The following KCNMA1 variants were observed in gnomAD, a reference collection of about 807,000 sequenced individuals.
KCNMA1 encodes Calcium-activated potassium channel subunit alpha-1.
KCNMA1 carries 29 observed loss-of-function variants against 140.0 expected under a neutral mutation model. The observed-to-expected ratio is 0.21, with a 90% confidence interval of 0.15 to 0.28. KCNMA1 has a LOEUF of 0.28. KCNMA1 is among the 10% of genes least tolerant of loss of function. The probability of loss-of-function intolerance (pLI) is 1.00; values close to 1 mark genes in which losing one functional copy is unlikely to be tolerated. For missense variants in KCNMA1, 880 were observed against 1,602.2 expected (o/e 0.55, Z 7.70); for synonymous variants, 612 against 611.9 (o/e 1.00, Z 0.00).
chr10:77,200,762 T>C (rs1377950240), intron 3 of KCNMA1, among the ~76,000 whole-genome samples: 1 of 152,216 alleles, frequency 6.6e-6, no homozygotes, highest in Non-Finnish European at 1.5e-5. Context: ...TAGGGGTACC[T>C]GGACATAGTA....
intron 5 of KCNMA1, among the ~76,000 whole-genome samples, chr10:77,129,628 T>C (rs1014943716): frequency 6.6e-6 from 1 of 152,140 alleles, no homozygotes; most frequent in African/African-American, 2.4e-5. Context: ...AAAAGTAGTC[T>C]TGACAATAGG....
At chr10:77,600,995 T>A (rs2082459031) in intron 1 of KCNMA1, among the ~76,000 whole-genome samples, 1 of 152,188 alleles carries the variant, frequency 6.6e-6, no homozygotes, top group African/African-American at 2.4e-5. Flanking sequence ...TCTCCCCAGA[T>A]TCAGATGGTC....
At chr10:77,375,659 C>A (rs558408696) in intron 2 of KCNMA1, among the ~76,000 whole-genome samples, 1 of 152,362 alleles carries the variant, frequency 6.6e-6, no homozygotes, top group South Asian at 2.1e-4. Flanking sequence ...CAGGCACAGA[C>A]CCCCTTCAAG....
At chr10:76,919,459 G>A (rs1165682387) in intron 23 of KCNMA1, among the ~76,000 whole-genome samples, 3 of 140,972 alleles carry the variant, frequency 2.1e-5, no homozygotes, top group Non-Finnish European at 4.4e-5. Context: ...ATAAGTGCTT[G>A]ACCAACTTTA....
intron 23 of KCNMA1, among the ~76,000 whole-genome samples, chr10:76,927,068 C>T (rs1164203766): frequency 1.3e-5 from 2 of 152,100 alleles, no homozygotes; most frequent in Non-Finnish European, 2.9e-5. Context: ...CTCTAAGGCC[C>T]TCTCAGCTTT....
At chr10:77,353,689 A>G (rs1390211383) in intron 2 of KCNMA1, among the ~76,000 whole-genome samples, 1 of 152,188 alleles carries the variant, frequency 6.6e-6, no homozygotes, top group African/African-American at 2.4e-5. Context: ...ACTTGTATCA[A>G]TATTTTACAG....
chr10:77,383,158 C>T (rs1427338621), intron 2 of KCNMA1, among the ~76,000 whole-genome samples: 1 of 151,728 alleles, frequency 6.6e-6, no homozygotes, highest in Non-Finnish European at 1.5e-5. Context: ...CCCCCTCCCT[C>T]ATTCAGAGAA....
At chr10:77,214,697 C>G (rs1044953284) in intron 3 of KCNMA1, among the ~76,000 whole-genome samples, 1 of 152,178 alleles carries the variant, frequency 6.6e-6, no homozygotes, top group African/African-American at 2.4e-5. Flanking sequence ...CCACAGATGA[C>G]CCTAGACCCT....
At chr10:77,353,331 G>A (rs1173040590) in intron 2 of KCNMA1, among the ~76,000 whole-genome samples, 1 of 152,072 alleles carries the variant, frequency 6.6e-6, no homozygotes, top group Non-Finnish European at 1.5e-5. Context: ...AGTGGTTGTA[G>A]GGCTCAAGAA....
chr10:77,229,333 T>C (rs1325408047), intron 3 of KCNMA1, among the ~76,000 whole-genome samples: 2 of 43,274 alleles, frequency 4.6e-5, no homozygotes, highest in African/African-American at 3.0e-4. Context: ...GAGAAGCCCA[T>C]GGCAAAAAAA....
In KCNMA1 at chr10:77,309,839, A is replaced by C. The variant is rs2078789795; in HGVS notation, c.541-58583T>G. On this transcript the variant is annotated intron_variant, in intron 2 of 27. Coordinates refer to ENST00000286628, the MANE Select transcript of KCNMA1 (RefSeq NM_001161352.2). ...TAAGATGGCCTGGGATGAGTCCCACAGCCTCTCTGGTCTCAGTTCCTCATC... is the reference window on the plus strand; with the variant it reads ...TAAGATGGCCTGGGATGAGTCCCACCGCCTCTCTGGTCTCAGTTCCTCATC... Among the ~76,000 whole-genome samples the C allele has an allele frequency of 2.0e-5, 3 of 152,300 alleles. No individual in the cohort carries two copies. The South Asian group carries it at 6.2e-4, about 32-fold the overall frequency.
rs1290146060 is a variant in KCNMA1 at position 76,886,703 on chromosome 10, G to A, written c.*563C>T. 2.0e-5 allele frequency: 20 copies of A among 1,002,358 alleles called. No homozygotes were observed. The highest frequency in any genetic ancestry group is 2.3e-5 in the Non-Finnish European group (19 of 839,468). The allele number at this position is 1,002,358 out of a possible 1,614,324, so 62.1% of individuals were successfully genotyped here. A position where few individuals can be genotyped will look rare whatever the true frequency, so the allele number is the denominator to read the frequency against. ...TCCTTCATAATCATCTACACAAATCGTGAAAGCTTTTCAAATGCTTCGCAA... is the reference window on the plus strand; with the variant it reads ...TCCTTCATAATCATCTACACAAATCATGAAAGCTTTTCAAATGCTTCGCAA... On this transcript the variant is annotated 3_prime_UTR_variant, in exon 28 of 28. Coordinates refer to ENST00000286628, the MANE Select transcript of KCNMA1 (RefSeq NM_001161352.2).
chr10:77,587,799 T>C, intron 1 of KCNMA1: 1 of 985,392 alleles, frequency 1.0e-6, no homozygotes, highest in Non-Finnish European at 1.2e-6. Flanking sequence ...GCCTATCAGA[T>C]GCAGGGCCCC....
chr10:77,416,750 T>C (rs964539397), intron 1 of KCNMA1, among the ~76,000 whole-genome samples: 2 of 152,190 alleles, frequency 1.3e-5, no homozygotes, highest in East Asian at 1.9e-4. Context: ...CTGCCTGATT[T>C]GCCCACTCCA....
At chr10:77,574,307 A>G (rs1399791597) in intron 1 of KCNMA1, among the ~76,000 whole-genome samples, 1 of 152,048 alleles carries the variant, frequency 6.6e-6, no homozygotes, top group African/African-American at 2.4e-5. Context: ...CCACATGTAT[A>G]TATAACACAT....
chr10:77,108,222 T>C lies in KCNMA1; in HGVS notation c.1223+259A>G. On this transcript the variant is annotated intron_variant, in intron 9 of 27. Coordinates refer to ENST00000286628, the MANE Select transcript of KCNMA1 (RefSeq NM_001161352.2). This position sits in a 1 kb window ranked among gnomAD's most constrained non-coding sequence, Gnocchi z 4.6. ...GGGTTGGGGAGGGGCAGAATTCAGATGGCACCTCCACAGGGACTCCTGAAA... is the reference window on the plus strand; with the variant it reads ...GGGTTGGGGAGGGGCAGAATTCAGACGGCACCTCCACAGGGACTCCTGAAA... 7.9e-7 allele frequency: 1 copy of C among 1,269,488 alleles called. No individual in the cohort carries two copies. The highest frequency in any genetic ancestry group is 1.6e-5 in the South Asian group (1 of 63,166). 78.6% of individuals were successfully genotyped at this position (1,269,488 alleles called of 1,614,324 possible).
intron 25 of KCNMA1, among the ~76,000 whole-genome samples, chr10:76,896,700 A>G (rs1018409030): frequency 6.6e-6 from 1 of 152,160 alleles, no homozygotes; most frequent in African/African-American, 2.4e-5. Flanking sequence ...AGGCATGTCT[A>G]CAGAAATAAT....
chr10:77,203,473 T>C (rs1417341860), intron 3 of KCNMA1, among the ~76,000 whole-genome samples: 1 of 152,124 alleles, frequency 6.6e-6, no homozygotes, highest in Non-Finnish European at 1.5e-5. Context: ...TGAACCTTTT[T>C]CTAGGCTTTT....
intron 3 of KCNMA1, 39 bp from the exon 4 acceptor site, chr10:77,184,955 C>T (rs1297034613): frequency 8.6e-7 from 1 of 1,169,046 alleles, no homozygotes; most frequent in Admixed American, 1.7e-5. Context: ...AGGTAAATGA[C>T]AGGTAGTATC....
Sources: allele counts gnomAD v4.1 joint callset (sites outside exome capture counted in the v4.1 genomes callset), GRCh38; gene constraint gnomAD v4.1.1; non-coding constraint Gnocchi (gnomAD v3.1); transcripts MANE v1.5; gene names NCBI Gene and HGNC (gene_info 2026-07-23, HGNC 2026-07-21).